PLEKHA7: variants seen among roughly 807,000 people sequenced by gnomAD.
PLEKHA7 encodes pleckstrin homology domain-containing family A member 7.
A neutral mutation model predicts 170.0 loss-of-function variants in PLEKHA7; 104 were observed. The ratio of observed to expected loss-of-function variants is 0.61; its 90% CI spans 0.52 to 0.72. The LOEUF (loss-of-function observed/expected upper bound fraction) is 0.72, where lower values mean the gene tolerates loss of function less well. Ranked by LOEUF, PLEKHA7 falls within the 30% of genes least tolerant of loss-of-function variation. The pLI is 0.00. For missense variants in PLEKHA7, 1,615 were observed against 1,671.7 expected (o/e 0.97, Z 0.59); for synonymous variants, 648 against 660.8 (o/e 0.98, Z 0.30).
At chr11:16,874,310 C>A (rs78924132) in intron 3 of PLEKHA7, among the ~76,000 whole-genome samples, 1,736 of 152,198 alleles carry the variant, frequency 0.011, 33 homozygotes, top group African/African-American at 0.039. Flanking sequence ...AGTTTGAGTT[C>A]AACCTGGGCA....
intron 3 of PLEKHA7, among the ~76,000 whole-genome samples, chr11:16,897,405 T>C (rs868844651): frequency 6.6e-5 from 10 of 152,086 alleles, no homozygotes; most frequent in Non-Finnish European, 1.5e-4. Flanking sequence ...TATACCTCAA[T>C]CATATAGTGC....
At chr11:16,887,550 C>T (rs528034483) in intron 3 of PLEKHA7, among the ~76,000 whole-genome samples, 36 of 152,226 alleles carry the variant, frequency 2.4e-4, no homozygotes, top group Non-Finnish European at 3.8e-4. Context: ...CGCACCACCA[C>T]GCCTGACTGG....
intron 9 of PLEKHA7, among the ~76,000 whole-genome samples, chr11:16,834,657 T>A (rs1259378215): frequency 6.6e-6 from 1 of 152,198 alleles, no homozygotes; most frequent in Non-Finnish European, 1.5e-5. Flanking sequence ...AAATGCCAAA[T>A]AACCTCCTTA....
intron 3 of PLEKHA7, among the ~76,000 whole-genome samples, chr11:16,906,405 C>G (rs1397512211): frequency 1.4e-5 from 2 of 143,458 alleles, no homozygotes; most frequent in African/African-American, 5.6e-5. Context: ...CATCTCGGCT[C>G]ACTGCAACCT....
chr11:16,817,437 C>G lies in PLEKHA7; in HGVS notation c.1344-115G>C. The G allele has an allele frequency of 9.3e-7, 1 of 1,075,064 alleles. No individual in the cohort carries two copies. The highest frequency in any genetic ancestry group is 1.9e-5 in the South Asian group (1 of 52,094). 66.6% of individuals were successfully genotyped at this position (1,075,064 alleles called of 1,614,324 possible). On this transcript the variant is annotated intron_variant, in intron 10 of 26. Transcript: ENST00000531066. The surrounding 1 kb of genome is among the most constrained non-coding windows in gnomAD (Gnocchi z 4.4). ...GCATGTGGGACAGTCCTGTAAGAAC[C>G]TCAAAAGAATGATCAAGGCCGACAT...
intron 8 of PLEKHA7, among the ~76,000 whole-genome samples, 185 bp downstream of exon 8, chr11:16,851,006 G>C (rs932476708): frequency 2.0e-5 from 3 of 152,190 alleles, no homozygotes; most frequent in African/African-American, 4.8e-5. Context: ...CCAAAGCTTA[G>C]AGTCAAATGA....
intron 3 of PLEKHA7, among the ~76,000 whole-genome samples, chr11:17,012,449 T>C (rs745880625): frequency 3.9e-5 from 6 of 152,188 alleles, no homozygotes; most frequent in Non-Finnish European, 5.9e-5. Flanking sequence ...TGATGTCTCC[T>C]TCTTGTCATT....
chr11:16,880,053 TCA>T (rs1855596108), intron 3 of PLEKHA7, among the ~76,000 whole-genome samples: 1 of 152,190 alleles, frequency 6.6e-6, no homozygotes, highest in Admixed American at 6.5e-5. Context: ...CAAATCAAAC[TCA>T]GAGAGCCCTT....
chr11:16,792,173 C>T (rs900014747), intron 19 of PLEKHA7, among the ~76,000 whole-genome samples: 17 of 152,120 alleles, frequency 1.1e-4, no homozygotes, highest in Non-Finnish European at 2.9e-5. Context: ...CCAATCCTGA[C>T]AAGATATCCG....
chr11:16,831,489 AAC>A (rs1358992654), intron 9 of PLEKHA7, among the ~76,000 whole-genome samples: 1 of 152,202 alleles, frequency 6.6e-6, no homozygotes, highest in African/African-American at 2.4e-5. Context: ...TAGCTAAGAA[AAC>A]ACAAGCCTTT....
intron 9 of PLEKHA7, among the ~76,000 whole-genome samples, chr11:16,834,718 A>C (rs1308431837): frequency 6.6e-6 from 1 of 152,230 alleles, no homozygotes; most frequent in Non-Finnish European, 1.5e-5. Flanking sequence ...GACAAGACAG[A>C]AAAGGCAGTA....
chr11:16,939,589 GAC>G (rs1860542203), intron 3 of PLEKHA7, among the ~76,000 whole-genome samples: 1 of 152,198 alleles, frequency 6.6e-6, no homozygotes, highest in Non-Finnish European at 1.5e-5. Flanking sequence ...GCAGAGGTGA[GAC>G]AGGAATGCTT....
intron 3 of PLEKHA7, among the ~76,000 whole-genome samples, chr11:16,936,312 G>A (rs1860288126): frequency 7.0e-6 from 1 of 143,426 alleles, no homozygotes; most frequent in South Asian, 2.2e-4. Context: ...TGAGGCAGGA[G>A]AATTGCTTGA....
Position 16,789,560 on chromosome 11 carries a change from C to A in PLEKHA7, c.3156+215G>T. The A allele has an allele frequency of 1.6e-6, 1 of 617,466 alleles. No homozygotes were observed. The highest frequency in any genetic ancestry group is 2.0e-5 in the South Asian group (1 of 50,598). 38.2% of individuals were successfully genotyped at this position (617,466 alleles called of 1,614,324 possible). On this transcript the variant is annotated intron_variant, in intron 22 of 26. Transcript: ENST00000531066. The surrounding 1 kb of genome is among the most constrained non-coding windows in gnomAD (Gnocchi z 4.6). Reference sequence around the variant, plus strand: ...GTGAGGCCAGAACCCAGGGTGCAGGCTTCTTGAGCTCCCTCCTGCCACCCT... The same window carrying A: ...GTGAGGCCAGAACCCAGGGTGCAGGATTCTTGAGCTCCCTCCTGCCACCCT...
chr11:16,933,325 T>C (rs751572987), intron 3 of PLEKHA7, among the ~76,000 whole-genome samples: 3 of 152,176 alleles, frequency 2.0e-5, no homozygotes, highest in African/African-American at 7.2e-5. Flanking sequence ...TACAGTTCCA[T>C]GCCAATGCCT....
intron 26 of PLEKHA7, among the ~76,000 whole-genome samples, chr11:16,781,886 T>C (rs1849046305): frequency 6.6e-6 from 1 of 151,800 alleles, no homozygotes; most frequent in South Asian, 2.1e-4. Context: ...CTATGGCTGT[T>C]CCCTCCCCAG....
intron 3 of PLEKHA7, among the ~76,000 whole-genome samples, chr11:16,982,025 G>A (rs1863460025): frequency 6.6e-6 from 1 of 152,230 alleles, no homozygotes; most frequent in Non-Finnish European, 1.5e-5. Context: ...AGACGGTGGT[G>A]AGAGGACACT....
intron 5 of PLEKHA7, chr11:16,855,483 G>C: frequency 3.2e-6 from 1 of 311,842 alleles, no homozygotes; most frequent in East Asian, 6.9e-5. Flanking sequence ...AGGGCCTCAT[G>C]TCACCAAATC....
chr11:16,811,322 C>T (rs569244717), intron 13 of PLEKHA7, among the ~76,000 whole-genome samples: 2 of 152,222 alleles, frequency 1.3e-5, no homozygotes, highest in African/African-American at 4.8e-5. Flanking sequence ...GTGCTGCTGG[C>T]ATGCCAGGCC....
Sources: allele counts gnomAD v4.1 joint callset (sites outside exome capture counted in the v4.1 genomes callset), GRCh38; gene constraint gnomAD v4.1.1; non-coding constraint Gnocchi (gnomAD v3.1); transcripts MANE v1.5; gene names NCBI Gene and HGNC (gene_info 2026-07-23, HGNC 2026-07-21).